The following TRABD2A variants were observed in gnomAD, a reference collection of about 807,000 sequenced individuals.
TRABD2A encodes the protein TraB domain containing 2A, also known as metalloprotease TIKI1.
A neutral mutation model predicts 45.6 loss-of-function variants in TRABD2A; 43 were observed. The observed-to-expected ratio is 0.94, with a 90% confidence interval of 0.74 to 1.22. The LOEUF is 1.22. TRABD2A is among the 50% of genes most tolerant of loss of function. TRABD2A has a pLI of 0.00. For synonymous variants in TRABD2A, 269 were observed against 265.0 expected (o/e 1.02, Z -0.15); for missense variants, 642 against 652.4 (o/e 0.98, Z 0.17).
chr2:84,825,835 G>T lies in TRABD2A; in HGVS notation c.1083-1631C>A, dbSNP rs147876576. On this transcript the variant is annotated intron_variant, in intron 5 of 6. Transcript: ENST00000409520. ...TAGCAGGGACATCAGATTCTCATAG[G>T]ATCGCAAACCCTGTTGTGAATTGTG... is the stretch of plus-strand genomic sequence containing the variant. 4.6e-5 allele frequency among the ~76,000 whole-genome samples: 7 copies of T among 152,204 alleles called. No homozygotes were observed. The East Asian group carries it at 1.2e-3, about 25-fold the overall frequency.
intron 1 of TRABD2A, among the ~76,000 whole-genome samples, chr2:84,873,225 G>A (rs946685243): frequency 6.6e-6 from 1 of 151,664 alleles, no homozygotes; most frequent in Non-Finnish European, 1.5e-5. Flanking sequence ...GTTCAAGCCT[G>A]TCCAACATGA....
intron 5 of TRABD2A, among the ~76,000 whole-genome samples, chr2:84,825,065 AAG>A (rs1011554045): frequency 6.6e-6 from 1 of 152,206 alleles, no homozygotes; most frequent in African/African-American, 2.4e-5. Flanking sequence ...GGGGAGCAGA[AAG>A]AGAAGAATTC....
At chr2:84,872,594 A>G (rs1054689117) in intron 1 of TRABD2A, among the ~76,000 whole-genome samples, 2 of 152,226 alleles carry the variant, frequency 1.3e-5, no homozygotes, top group African/African-American at 4.8e-5. Context: ...TCCCTTTACT[A>G]AAGTATTTGA....
intron 5 of TRABD2A, 57 bp from the exon 6 acceptor site, chr2:84,824,261 T>A: frequency 6.3e-7 from 1 of 1,595,456 alleles, no homozygotes; most frequent in Non-Finnish European, 8.5e-7. Flanking sequence ...CATGGCGCCC[T>A]CCCCAGCTCT....
chr2:84,829,417 CCA>C (rs1216902680), intron 5 of TRABD2A, among the ~76,000 whole-genome samples: 4 of 148,092 alleles, frequency 2.7e-5, no homozygotes, highest in Non-Finnish European at 3.0e-5. Context: ...ACCACACATA[CCA>C]CACACACTAC....
At chr2:84,839,894 T>C (rs1681650108) in intron 3 of TRABD2A, among the ~76,000 whole-genome samples, 1 of 152,234 alleles carries the variant, frequency 6.6e-6, no homozygotes, top group Non-Finnish European at 1.5e-5. Flanking sequence ...TTCAGTATTT[T>C]GGCTAATAAC....
At chr2:84,867,802 G>A (rs1313233243) in intron 2 of TRABD2A, among the ~76,000 whole-genome samples, 1 of 152,208 alleles carries the variant, frequency 6.6e-6, no homozygotes, top group Non-Finnish European at 1.5e-5. Context: ...TCTCAAAGAA[G>A]ACATTTTGGC....
chr2:84,855,441 T>TA (rs919244091), intron 2 of TRABD2A, among the ~76,000 whole-genome samples: 160 of 151,200 alleles, frequency 1.1e-3, no homozygotes, highest in Non-Finnish European at 1.7e-3. Flanking sequence ...TCCCTTTTTT[T>TA]AAAAAAAAAT....
intron 5 of TRABD2A, among the ~76,000 whole-genome samples, chr2:84,831,680 T>C (rs1203865463): frequency 6.6e-6 from 1 of 152,128 alleles, no homozygotes; most frequent in African/African-American, 2.4e-5. Context: ...TGGCCCGATT[T>C]TGCCTCCCGA....
intron 4 of TRABD2A, 109 bp from the exon 5 acceptor site, chr2:84,832,254 A>G (rs960146484): frequency 4.5e-6 from 5 of 1,117,782 alleles, no homozygotes; most frequent in Non-Finnish European, 6.6e-6. Context: ...CCCCCTGCCT[A>G]TCTGTCCAGC....
chr2:84,858,348 A>G (rs1682383889), intron 2 of TRABD2A, among the ~76,000 whole-genome samples: 1 of 151,902 alleles, frequency 6.6e-6, no homozygotes, highest in Non-Finnish European at 1.5e-5. Context: ...CAGAGCACAA[A>G]TTTTCCCAGA....
intron 2 of TRABD2A, among the ~76,000 whole-genome samples, chr2:84,847,490 A>G (rs1169290957): frequency 6.6e-6 from 1 of 152,198 alleles, no homozygotes; most frequent in East Asian, 1.9e-4. Context: ...GTCACCTCAC[A>G]TGAATCAGCT....
chr2:84,862,583 G>C (rs1682535295), intron 2 of TRABD2A, among the ~76,000 whole-genome samples: 1 of 152,078 alleles, frequency 6.6e-6, no homozygotes, highest in South Asian at 2.1e-4. Flanking sequence ...CCAGGTACCT[G>C]TACAAAAATA....
chr2:84,865,137 C>T (rs1417999703), intron 2 of TRABD2A, among the ~76,000 whole-genome samples: 2 of 152,182 alleles, frequency 1.3e-5, no homozygotes, highest in East Asian at 1.9e-4. Context: ...TTCTCCAACA[C>T]CCCAAAACTA....
chr2:84,825,054 G>A (rs186488054), intron 5 of TRABD2A, among the ~76,000 whole-genome samples: 2 of 152,164 alleles, frequency 1.3e-5, no homozygotes, highest in African/African-American at 4.8e-5. Flanking sequence ...TGAAGGGGAT[G>A]GGGGAGCAGA....
chr2:84,863,597 CTTTT>C (rs55952015), intron 2 of TRABD2A, among the ~76,000 whole-genome samples: 32 of 78,108 alleles, frequency 4.1e-4, no homozygotes, highest in African/African-American at 9.3e-4. Context: ...TTCAAATTTT[CTTTT>C]TTTTTTTTTT....
intron 2 of TRABD2A, among the ~76,000 whole-genome samples, chr2:84,848,762 C>T (rs987858898): frequency 7.9e-5 from 12 of 151,850 alleles, no homozygotes; most frequent in Non-Finnish European, 1.2e-4. Context: ...TCTGTAGAGA[C>T]GGAGTTTCGC....
intron 2 of TRABD2A, among the ~76,000 whole-genome samples, chr2:84,854,018 C>CA (rs1385671315): frequency 6.7e-6 from 1 of 149,076 alleles, no homozygotes; most frequent in Non-Finnish European, 1.5e-5. Context: ...GACTCCATCT[C>CA]AAAAAATATT....
intron 1 of TRABD2A, among the ~76,000 whole-genome samples, chr2:84,872,789 C>A (rs796505291): frequency 6.6e-6 from 1 of 152,194 alleles, no homozygotes; most frequent in Non-Finnish European, 1.5e-5. Context: ...TTGATCAATA[C>A]ATAGCCTTGT....
Sources: allele counts gnomAD v4.1 joint callset (sites outside exome capture counted in the v4.1 genomes callset), GRCh38; gene constraint gnomAD v4.1.1; transcripts MANE v1.5; gene names NCBI Gene and HGNC (gene_info 2026-07-23, HGNC 2026-07-21).